The following IGSF1 variants were observed in gnomAD, a reference collection of about 807,000 sequenced individuals.
IGSF1 encodes immunoglobulin superfamily member 1, also known as immunoglobulin-like domain-containing protein 1.
IGSF1 carries 40 observed loss-of-function variants against 95.3 expected under a neutral mutation model. The ratio of observed to expected loss-of-function variants is 0.42; its 90% CI spans 0.33 to 0.55. The LOEUF (loss-of-function observed/expected upper bound fraction) is 0.55. Among genes scored for constraint, IGSF1 ranks in the 20% least tolerant of loss-of-function variants. The probability of loss-of-function intolerance (pLI) is 0.10; values close to 1 mark genes in which losing one functional copy is unlikely to be tolerated. For synonymous variants in IGSF1, 372 were observed against 382.9 expected, an observed-to-expected ratio of 0.97 and a Z score of 0.33; for missense variants, 906 against 1,025.4, an observed-to-expected ratio of 0.88 and a Z score of 1.59.
chrX:131,288,127 A>T (rs1340850650), intron 1 of IGSF1, among the ~76,000 whole-genome samples: 1 of 110,964 alleles, frequency 9.0e-6, no homozygotes, highest in African/African-American at 3.3e-5. Context: ...TCCATTGTAC[A>T]TTTTTCACTT....
rs1347572763 is a variant in IGSF1, at chrX:131,281,864, C to T, written c.1327G>A (p.Val443Ile). The change falls in exon 8 of 20, where the codon GTA (valine) becomes ATA (isoleucine). Residue 443 changes from valine (V) to isoleucine (I), a missense_variant. By Grantham distance (29) the Val-to-Ile change is conservative (BLOSUM62 3). Transcript: ENST00000361420. ...LGKAITLQCR[V>I]SHPVLEFSLE... ...GAAAATTCCAGTACTGGATGAGATA[C>T]TCGGCACTGAAGGGTGATGGCCTTT... 8.3e-7 allele frequency: 1 copy of T among 1,209,748 alleles called. No homozygotes were observed.
At chrX:131,288,622 AC>A (rs2080675514) in intron 1 of IGSF1, among the ~76,000 whole-genome samples, 1 of 110,200 alleles carries the variant, frequency 9.1e-6, no homozygotes, top group African/African-American at 3.3e-5. Flanking sequence ...GGCATGGCTG[AC>A]CCCTCCTCAA....
In IGSF1 at chrX:131,273,861, T is replaced by C; in HGVS notation, c.3946A>G (p.Thr1316Ala). 1 of 1,207,291 alleles carries C rather than the reference T, an allele frequency of 8.3e-7. No homozygotes were observed. Among genetic ancestry groups the C allele is most frequent in the Non-Finnish European group, 1.1e-6 (1 of 891,899 alleles). Reference sequence around the variant, plus strand: ...GTTGATGAAGGAGAATTGGCAGGGGTGCCTGGTTCTCCTTCTTGGTTACAC... The same window carrying C: ...GTTGATGAAGGAGAATTGGCAGGGGCGCCTGGTTCTCCTTCTTGGTTACAC... ...EECNQEGEPG[T>A]PANSPSSTSQ... The change falls in exon 20 of 20, where the codon ACC (threonine) becomes GCC (alanine). Residue 1316 changes from threonine to alanine, a missense_variant. Physicochemically the swap from Thr to Ala is moderately conservative, Grantham distance 58. Transcript: ENST00000361420.
rs2080488686 is a variant in IGSF1 at position 131,277,243 on chromosome X, A to G, written c.2321-17T>C. 21 of 1,141,146 alleles carry G rather than the reference A, an allele frequency of 1.8e-5. No homozygotes were observed. Among genetic ancestry groups the G allele is most frequent in the Non-Finnish European group, 2.4e-5 (21 of 858,157 alleles). The allele number at this position is 1,141,146 out of a possible 1,213,427, so 94.0% of individuals were successfully genotyped here. ...GGTACATTTCTAGAAGGCAAAAAAC[A>G]AAAACAAAAACAAAAAACAAAATAC... is the stretch of plus-strand genomic sequence containing the variant. On this transcript the variant is annotated splice_polypyrimidine_tract_variant and intron_variant, in intron 13 of 19. Transcript: ENST00000361420.
intron 9 of IGSF1, among the ~76,000 whole-genome samples, chrX:131,279,936 A>C (rs1434172018): frequency 2.7e-5 from 3 of 111,855 alleles, no homozygotes; most frequent in African/African-American, 9.8e-5. Context: ...CCCAGATTAT[A>C]ACTAGAAATG....
In IGSF1 at chrX:131,285,336, C is replaced by T. The variant is rs779056528; in HGVS notation, c.510G>A (p.Glu170=). 156 of 1,210,161 alleles carry T rather than the reference C, an allele frequency of 1.3e-4. 1 individual carries two copies. The South Asian group carries it at 2.5e-3, about 19-fold the overall frequency. The stretch of plus-strand genomic sequence containing the variant: ...CAGTTGGGACTTGGTAATCCACAGG[C>T]TCTGCATATCCCTCTTTAAACAGCA... ...VFMLFKEGYA[E]PVDYQVPTGT... is the part of the protein sequence containing the mutation. The change falls in exon 5 of 20, where the codon GAG becomes GAA. Residue 170 remains glutamate (E), a synonymous_variant. Transcript: ENST00000361420.
intron 3 of IGSF1, 111 bp from the exon 4 acceptor site, chrX:131,286,159 T>G (rs773433294): frequency 2.7e-5 from 20 of 727,509 alleles, no homozygotes; most frequent in Non-Finnish European, 4.0e-5. Context: ...TCATTTTGTC[T>G]TCCCTTGGGG....
Position 131,274,675 on chromosome X carries a change from G to A in IGSF1, c.3675C>T (p.Ser1225=), listed in dbSNP as rs1603403850. ...NVEGKGIGNY[S]CSYRLQAYPD... is the part of the protein sequence containing the mutation. Reference sequence around the variant, plus strand: ...GGTAGGCCTGGAGGCGGTAGCTGCAGCTGTAGTTTCCAATGCCTTTTCCTT... The same window carrying A: ...GGTAGGCCTGGAGGCGGTAGCTGCAACTGTAGTTTCCAATGCCTTTTCCTT... Residue 1225 remains serine, a synonymous_variant, in exon 18 of 20, where the codon AGC becomes AGT. Transcript: ENST00000361420. The A allele has an allele frequency of 1.7e-6, 2 of 1,211,290 alleles. No individual in the cohort carries two copies. The highest frequency in any genetic ancestry group is 2.2e-6 in the Non-Finnish European group (2 of 894,868).
Position 131,282,911 on chromosome X carries a change from C to T in IGSF1, c.952+69G>A, listed in dbSNP as rs2080582384. 5.0e-6 allele frequency: 5 copies of T among 1,009,509 alleles called. No individual in the cohort carries two copies. In the Admixed American group the frequency reaches 1.2e-4, roughly 24 times the overall value. The allele number at this position is 1,009,509 out of a possible 1,213,427, so 83.2% of individuals were successfully genotyped here. On this transcript the variant is annotated intron_variant, in intron 6 of 19. Coordinates refer to ENST00000361420, the MANE Select transcript of IGSF1 (RefSeq NM_001555.5). Reference sequence around the variant, plus strand: ...ACCCTGGCCACAGGATTAGGTTCTCCAGGGAGCACAGAGGGAGATTTATAT... The same window carrying T: ...ACCCTGGCCACAGGATTAGGTTCTCTAGGGAGCACAGAGGGAGATTTATAT...
In IGSF1 at chrX:131,285,183, T is replaced by C. The variant is rs757251901; in HGVS notation, c.663A>G (p.Val221=). The C allele has an allele frequency of 5.9e-6, 7 of 1,184,554 alleles. No homozygotes were observed. In the Admixed American group the frequency reaches 6.8e-5, roughly 12 times the overall value. Residue 221 remains valine (V), a synonymous_variant, in exon 5 of 20, where the codon GTA becomes GTG. Coordinates refer to ENST00000361420, the MANE Select transcript of IGSF1 (RefSeq NM_001555.5). The part of the protein sequence containing the change: ...SEPSNPLKLV[V]AGLYPKPTLT... ...AGCAGCCATAGCCACACCCACCTGC[T>C]ACAACCAGCTTCAGGGGGTTGCTGG...
At chrX:131,286,934 T>C (rs1162019038) in intron 1 of IGSF1, among the ~76,000 whole-genome samples, 193 bp from the exon 2 acceptor site, 1 of 110,483 alleles carries the variant, frequency 9.1e-6, no homozygotes. Context: ...TTTGTTGGTA[T>C]CAAAGATGTC....
In IGSF1 at chrX:131,273,770, G is replaced by T. The variant is rs2080443555; in HGVS notation, c.*26C>A. On this transcript the variant is annotated 3_prime_UTR_variant, in exon 20 of 20. Transcript: ENST00000361420. ...TCTCTGAGAGCAAGAGAGAGGAGAG[G>T]AAAGCTCTTGTAAAGGAGGAGATTA... 1 of 1,192,523 alleles carries T rather than the reference G, an allele frequency of 8.4e-7. No homozygotes were observed. The highest frequency in any genetic ancestry group is 1.1e-6 in the Non-Finnish European group (1 of 883,242).
rs1603404413 is a variant in IGSF1 at position 131,277,873 on chromosome X, A to G, written c.2303T>C (p.Leu768Pro). The change falls in exon 13 of 20, where the codon CTG (leucine) becomes CCG (proline). Residue 768 changes from leucine to proline, a missense_variant. Leu to Pro is a moderately conservative substitution (Grantham distance 98, BLOSUM62 -3). This residue lies in a region of IGSF1 where 411 missense variants were observed against 494.9 expected (regional missense o/e 0.83). Coordinates refer to ENST00000361420, the MANE Select transcript of IGSF1 (RefSeq NM_001555.5). ...PFKWSEPSEP[L>P]ELVIKEMYPK... The stretch of plus-strand genomic sequence containing the variant: ...AGCTCTACCTTTTATGACAAGCTCC[A>G]GCGGCTCACTGGGCTCAGACCACTT... 1 of 1,207,692 alleles carries G rather than the reference A, an allele frequency of 8.3e-7. No homozygotes were observed. Among genetic ancestry groups the G allele is most frequent in the Non-Finnish European group, 1.1e-6 (1 of 893,882 alleles).
rs758619704 is a variant in IGSF1, at chrX:131,276,104, C to T, written c.2753G>A (p.Arg918Gln). Residue 918 changes from arginine to glutamine, a missense_variant, in exon 15 of 20, where the codon CGG (arginine) becomes CAG (glutamine). Around this residue, in one of 5 missense-constraint regions of IGSF1, gnomAD observed 411 missense variants for 494.9 expected, o/e 0.83. Transcript: ENST00000361420. ...GTCAGCTGAGTTCCCTGAGACACTCCGAAACTGTAAGGGAACATGGGCTCC... is the reference window on the plus strand; with the variant it reads ...GTCAGCTGAGTTCCCTGAGACACTCTGAAACTGTAAGGGAACATGGGCTCC... Reference protein sequence around the residue: ...QEGAHVPLQFRSVSGNSADFL... With the variant: ...QEGAHVPLQFQSVSGNSADFL... The T allele has an allele frequency of 7.1e-5, 86 of 1,209,483 alleles. No individual in the cohort carries two copies. The highest frequency in any genetic ancestry group is 8.9e-5 in the East Asian group (3 of 33,750).
chrX:131,286,536 C>G, intron 2 of IGSF1, 69 bp downstream of exon 2: 3 of 1,168,981 alleles, frequency 2.6e-6, no homozygotes, highest in Non-Finnish European at 3.5e-6. Context: ...CAATACTTTC[C>G]TCTCCCACCC....
Position 131,278,052 on chromosome X carries a change from T to C in IGSF1, c.2124A>G (p.Ala708=). The change falls in exon 13 of 20, where the codon GCA becomes GCG. Residue 708 remains alanine (A), a synonymous_variant. Coordinates refer to ENST00000361420, the MANE Select transcript of IGSF1 (RefSeq NM_001555.5). ...CCTTATACAGAGCAAACCCCATGCC[T>C]GCCAGCCATCCTTTGCACCGGAGTT... ...ELQLRCKGWL[A]GMGFALYKEG... The C allele has an allele frequency of 8.3e-7, 1 of 1,211,015 alleles. No individual in the cohort carries two copies. The highest frequency in any genetic ancestry group is 1.1e-6 in the Non-Finnish European group (1 of 894,746).
Position 131,275,998 on chromosome X carries a change from C to A in IGSF1, c.2859G>T (p.Gly953=), listed in dbSNP as rs1206625415. 1.5e-5 allele frequency: 18 copies of A among 1,209,138 alleles called. No homozygotes were observed. The Admixed American group carries it at 2.0e-4, about 13-fold the overall frequency. Residue 953 remains glycine (G), a synonymous_variant, in exon 15 of 20, where the codon GGG becomes GGT. Coordinates refer to ENST00000361420, the MANE Select transcript of IGSF1 (RefSeq NM_001555.5). ...TCATAAGGGGCATACTGAGATATGACCCCCTGTTTGACATGGTTGTCTCAT... is the reference window on the plus strand; with the variant it reads ...TCATAAGGGGCATACTGAGATATGAACCCCTGTTTGACATGGTTGTCTCAT... ...IYYETTMSNR[G]SYLSMPLMIW...
chrX:131,274,334 GA>G (rs1295772170), intron 18 of IGSF1, 128 bp from the exon 19 acceptor site: 1 of 891,862 alleles, frequency 1.1e-6, no homozygotes, highest in African/African-American at 2.0e-5. Flanking sequence ...TCAGACTACA[GA>G]GGGGGTGGGC....
chrX:131,280,700 A>G (rs983704922), intron 9 of IGSF1, among the ~76,000 whole-genome samples: 43 of 112,136 alleles, frequency 3.8e-4, no homozygotes, highest in African/African-American at 1.4e-3. Context: ...GGTCAAGTCT[A>G]TATTCCCAGA....
Sources: gnomAD v4.1 joint callset for allele counts (sites outside exome capture counted in the v4.1 genomes callset) on GRCh38, gnomAD v4.1.1 for gene constraint, gnomAD v4.1.1 regional missense constraint, MANE v1.5 for transcripts, NCBI Gene and HGNC (gene_info 2026-07-23, HGNC 2026-07-21) for gene names.